The following ARL10 variants were observed in gnomAD, a reference collection of about 807,000 sequenced individuals.
ARL10 encodes the protein ARF like GTPase 10, also known as ADP-ribosylation factor-like protein 10.
A neutral mutation model predicts 26.1 loss-of-function variants in ARL10; 23 were observed. The observed-to-expected ratio is 0.88, with a 90% CI of 0.63 to 1.25. ARL10 has a LOEUF of 1.25. Among genes scored for constraint, ARL10 ranks in the 50% most tolerant of loss-of-function variants. ARL10 has a pLI of 0.00. For missense variants in ARL10, 300 were observed against 323.6 expected (o/e 0.93, Z 0.56); for synonymous variants, 138 against 149.1 (o/e 0.93, Z 0.54).
Position 176,365,760 on chromosome 5 carries a change from C to G in ARL10, c.183+14C>G. ...GACGAGTGGGACGTGAGTGCCGGGCCGAGGCCTGCGGAAGGGCGGGCAGGC... is the reference window on the plus strand; with the variant it reads ...GACGAGTGGGACGTGAGTGCCGGGCGGAGGCCTGCGGAAGGGCGGGCAGGC... On this transcript the variant is annotated intron_variant, in intron 1 of 3. Transcript: ENST00000310389. 2 of 1,234,200 alleles carry G rather than the reference C, an allele frequency of 1.6e-6. No homozygotes were observed. The highest frequency in any genetic ancestry group is 2.0e-6 in the Non-Finnish European group (2 of 988,634). 76.5% of individuals were successfully genotyped at this position (1,234,200 alleles called of 1,614,324 possible).
chr5:176,401,450 G>GT (rs1357489920), intron 1 of ARL10, among the ~76,000 whole-genome samples: 3 of 152,208 alleles, frequency 2.0e-5, no homozygotes, highest in Non-Finnish European at 4.4e-5. Context: ...CCATGTGGGT[G>GT]TTTTGACAGG....
At position 176,393,749 on chromosome 5, in the gene ARL10, G is replaced by A. The variant is rs1756362916; in HGVS notation, c.134-7992G>A. Among the ~76,000 whole-genome samples, 1 of 152,190 alleles carries A rather than the reference G, an allele frequency of 6.6e-6. No homozygotes were observed. Among genetic ancestry groups the A allele is most frequent in the African/African-American group, 2.4e-5 (1 of 41,450 alleles). On this transcript the variant is annotated intron_variant, in intron 1 of 1. Transcript: ENST00000514533. This position sits in a 1 kb window ranked among gnomAD's most constrained non-coding sequence, Gnocchi z 4.4. Reference sequence around the variant, plus strand: ...CCTTCATCAGAAGTTCTGGTTGACAGTCACAGAAGCCACTGACTAAGGGAC... The same window carrying A: ...CCTTCATCAGAAGTTCTGGTTGACAATCACAGAAGCCACTGACTAAGGGAC...
rs1032698932 is a variant in ARL10, at chr5:176,373,386, G to A, written c.*1491G>A. ...CGGTACAGGCAAAGAGGAGCCTGTT[G>A]TCTGTTAGGGACCACTAAATCAACA... On this transcript the variant is annotated 3_prime_UTR_variant, in exon 4 of 4. Transcript: ENST00000310389. 3 of 240,304 alleles carry A rather than the reference G, an allele frequency of 1.2e-5. No individual in the cohort carries two copies. The highest frequency in any genetic ancestry group is 2.4e-5 in the Non-Finnish European group (3 of 126,128). The allele number at this position is 240,304 out of a possible 1,614,324, so 14.9% of individuals were successfully genotyped here. A position where few individuals can be genotyped will look rare whatever the true frequency, so the allele number is the denominator to read the frequency against.
rs1414626533 is a variant in ARL10, at chr5:176,381,542, G to T, written c.*9647G>T. The T allele has an allele frequency of 6.6e-6, 1 of 152,226 alleles. No homozygotes were observed. 9.4% of individuals were successfully genotyped at this position (152,226 alleles called of 1,614,324 possible). On this transcript the variant is annotated 3_prime_UTR_variant, in exon 4 of 4. Transcript: ENST00000310389. ...TGTGCAGGCTATATTTATAAGCAAA[G>T]AAACGGAATTGGCATACAGAGATAG...
At chr5:176,394,684 G>A (rs577423163) in intron 1 of ARL10, among the ~76,000 whole-genome samples, 39 of 152,144 alleles carry the variant, frequency 2.6e-4, no homozygotes, top group Admixed American at 4.6e-4. Flanking sequence ...GCATGGTGGC[G>A]GGCACCTGTA....
chr5:176,412,903 A>G, the ARL10 span, among the ~76,000 whole-genome samples: 2 of 152,158 alleles, frequency 1.3e-5, no homozygotes, highest in Non-Finnish European at 1.5e-5. Flanking sequence ...ACCAGGGTCT[A>G]TTCCCTGTGA....
downstream of ARL10, among the ~76,000 whole-genome samples, chr5:176,402,788 C>A: frequency 6.6e-6 from 1 of 152,176 alleles, no homozygotes; most frequent in East Asian, 1.9e-4. Context: ...GTGAACCTTG[C>A]TGGAACACAG....
chr5:176,403,531 T>C (rs999819895), downstream of ARL10, among the ~76,000 whole-genome samples: 3 of 152,056 alleles, frequency 2.0e-5, no homozygotes, highest in Non-Finnish European at 4.4e-5. Flanking sequence ...CTCGGCCCAC[T>C]GCAACCTCCG....
rs1430632584 is a variant in ARL10, at chr5:176,380,651, T to A, written c.*8756T>A. On this transcript the variant is annotated 3_prime_UTR_variant, in exon 4 of 4. Coordinates refer to ENST00000310389, the MANE Select transcript of ARL10 (RefSeq NM_173664.6). ...TCACAGGTGTGCACCACCGCCCAGC[T>A]AATTTTTGTATTTTTAGTAGGGAGG... 1 of 151,978 alleles carries A rather than the reference T, an allele frequency of 6.6e-6. No individual in the cohort carries two copies. The highest frequency in any genetic ancestry group is 1.5e-5 in the Non-Finnish European group (1 of 67,996). 9.4% of individuals were successfully genotyped at this position (151,978 alleles called of 1,614,324 possible).
rs1212772957 is a variant in ARL10, at chr5:176,381,775, C to T, written c.*9880C>T. ...ACAAAGGTCACCTTTGGAACCAGCA[C>T]TAATTGTTGAGGGGGTCCCTGGGGT... On this transcript the variant is annotated 3_prime_UTR_variant, in exon 4 of 4. Coordinates refer to ENST00000310389, the MANE Select transcript of ARL10 (RefSeq NM_173664.6). 6.6e-6 allele frequency: 1 copy of T among 152,224 alleles called. No homozygotes were observed. Among genetic ancestry groups the T allele is most frequent in the Admixed American group, 6.5e-5 (1 of 15,282 alleles). The allele number at this position is 152,224 out of a possible 1,614,324, so 9.4% of individuals were successfully genotyped here.
At chr5:176,412,293 G>A in the ARL10 span, among the ~76,000 whole-genome samples, 10 of 151,918 alleles carry the variant, frequency 6.6e-5, no homozygotes, top group African/African-American at 1.5e-4. Flanking sequence ...AGGCACTTAC[G>A]GAAGGTCTCA....
chr5:176,392,952 G>T, downstream of ARL10: 1 of 1,614,060 alleles, frequency 6.2e-7, no homozygotes, highest in South Asian at 1.1e-5. The surrounding 1 kb of genome is among the most constrained non-coding windows in gnomAD (Gnocchi z 5.2). Flanking sequence ...TGCCCTGCGG[G>T]TGGAGATAGG....
downstream of ARL10, chr5:176,389,258 A>T: frequency 6.6e-7 from 1 of 1,511,384 alleles, no homozygotes; most frequent in Non-Finnish European, 9.0e-7. Context: ...GCTTTGGGGA[A>T]GCGAGACCCA....
intron 1 of ARL10, among the ~76,000 whole-genome samples, chr5:176,398,971 T>A (rs1186720520): frequency 2.6e-5 from 4 of 151,792 alleles, no homozygotes; most frequent in African/African-American, 9.7e-5. Flanking sequence ...GCCTCCTGAG[T>A]AGCTGGGATT....
At chr5:176,399,363 C>T (rs969167540) in intron 1 of ARL10, among the ~76,000 whole-genome samples, 2 of 152,202 alleles carry the variant, frequency 1.3e-5, no homozygotes, top group African/African-American at 2.4e-5. Flanking sequence ...CAGGCTGTCT[C>T]GGTTCAGATG....
At chr5:176,391,759 G>T (rs934870157), downstream of ARL10, among the ~76,000 whole-genome samples, 4 of 152,168 alleles carry the variant, frequency 2.6e-5, no homozygotes, top group African/African-American at 7.2e-5. Context: ...AGAAGCAGGT[G>T]GAACAGACCC....
the ARL10 span, among the ~76,000 whole-genome samples, chr5:176,409,406 CTTTTTTTTTTT>C: frequency 8.5e-4 from 68 of 79,660 alleles, no homozygotes; most frequent in East Asian, 0.021. Context: ...TCTGATTGCC[CTTTTTTTTTTT>C]TTTTTTTTTT....
exon 2 of ARL10, chr5:176,388,447 C>T (rs1306244171): frequency 3.1e-6 from 5 of 1,614,070 alleles, no homozygotes; most frequent in Non-Finnish European, 4.2e-6. Context: ...CGATCCGCGG[C>T]GCTGCCTTCC....
chr5:176,369,048 A>G, intron 3 of ARL10, 66 bp downstream of exon 3: 1 of 1,585,552 alleles, frequency 6.3e-7, no homozygotes, highest in Non-Finnish European at 8.6e-7. Context: ...GGCAGGGGCA[A>G]GGAGCGCTGC....
Sources: gnomAD v4.1 joint callset for allele counts (sites outside exome capture counted in the v4.1 genomes callset) on GRCh38, gnomAD v4.1.1 for gene constraint, Gnocchi (gnomAD v3.1) non-coding constraint, MANE v1.5 for transcripts, NCBI Gene and HGNC (gene_info 2026-07-23, HGNC 2026-07-21) for gene names.